Variants in NRG1 observed in about 807,000 individuals in gnomAD.
The protein encoded by NRG1 is neuregulin 1.
A neutral mutation model predicts 63.8 loss-of-function variants in NRG1; 18 were observed. That is an observed-to-expected ratio of 0.28 (90% CI 0.19 to 0.42). The LOEUF (loss-of-function observed/expected upper bound fraction) is 0.42. NRG1 is among the 10% of genes least tolerant of loss of function. The probability of loss-of-function intolerance (pLI) is 1.00; values close to 1 mark genes in which losing one functional copy is unlikely to be tolerated. For synonymous variants in NRG1, 302 were observed against 301.3 expected (o/e 1.00, Z -0.02); for missense variants, 762 against 814.7 (o/e 0.94, Z 0.79).
chr8:32,771,276 ATTTTTTTTTTTTTTTTTT>A (rs553989637), downstream of NRG1, among the ~76,000 whole-genome samples: 32 of 92,754 alleles, frequency 3.4e-4, no homozygotes, highest in Non-Finnish European at 5.9e-4. Flanking sequence ...ATGCCCAGCG[ATTTTTTTTTTTTTTTTTT>A]TTTTTTTTTT....
chr8:31,837,661 G>T (rs1352118103), intron 1 of NRG1, among the ~76,000 whole-genome samples: 1 of 151,888 alleles, frequency 6.6e-6, no homozygotes, highest in Non-Finnish European at 1.5e-5. Context: ...CTAGTCTCTG[G>T]TAACTACTGT....
chr8:32,743,789 A>G (rs1195058427), intron 7 of NRG1, among the ~76,000 whole-genome samples: 1 of 151,900 alleles, frequency 6.6e-6, no homozygotes, highest in Non-Finnish European at 1.5e-5. Context: ...TGCATTTAAA[A>G]TGCATATCAT....
At chr8:31,708,503 T>C (rs1378645739) in intron 1 of NRG1, among the ~76,000 whole-genome samples, 1 of 148,366 alleles carries the variant, frequency 6.7e-6, no homozygotes, top group Non-Finnish European at 1.5e-5. Context: ...TGGAGTGCAG[T>C]GGCGGGATCT....
rs79853821 is a variant in NRG1, at chr8:31,755,941, G to A, written c.37+116510G>A. On this transcript the variant is annotated intron_variant, in intron 1 of 10. Coordinates refer to the NRG1 transcript ENST00000519301. ...TTATGGTGGTTAAGAAGACCAAGAGGGGAAGAAAATCTGTTAGGGCAATGT... is the reference window on the plus strand; with the variant it reads ...TTATGGTGGTTAAGAAGACCAAGAGAGGAAGAAAATCTGTTAGGGCAATGT... 6.6e-5 allele frequency among the ~76,000 whole-genome samples: 10 copies of A among 152,170 alleles called. No individual in the cohort carries two copies. In the East Asian group the frequency reaches 1.7e-3, roughly 27 times the overall value.
intron 1 of NRG1, among the ~76,000 whole-genome samples, chr8:32,203,248 A>G (rs1408021108): frequency 1.3e-5 from 2 of 148,982 alleles, no homozygotes; most frequent in Non-Finnish European, 3.0e-5. Context: ...GTGTGAGACA[A>G]TAAAACTGGC....
At chr8:32,291,462 C>T (rs972515826) in intron 1 of NRG1, among the ~76,000 whole-genome samples, 4 of 150,292 alleles carry the variant, frequency 2.7e-5, no homozygotes, top group Admixed American at 6.6e-5. Context: ...TTAAATGAAA[C>T]GATAAATCAT....
intron 1 of NRG1, among the ~76,000 whole-genome samples, chr8:32,191,374 C>T (rs1842478400): frequency 1.3e-5 from 2 of 152,170 alleles, no homozygotes; most frequent in South Asian, 4.1e-4. Context: ...GCCACCACAC[C>T]TGGCCCAAAG....
intron 1 of NRG1, among the ~76,000 whole-genome samples, chr8:32,427,058 C>A (rs1817475255): frequency 6.6e-6 from 1 of 152,012 alleles, no homozygotes; most frequent in Non-Finnish European, 1.5e-5. Context: ...CTGTAAACAG[C>A]CCGAGTAGCT....
At chr8:32,519,706 G>A (rs954791155) in intron 1 of NRG1, among the ~76,000 whole-genome samples, 3 of 152,036 alleles carry the variant, frequency 2.0e-5, no homozygotes, top group Admixed American at 6.6e-5. Context: ...GATAATACAG[G>A]AGATTCCAGG....
In NRG1 at chr8:32,301,400, G is replaced by A. The variant is rs530712505; in HGVS notation, c.38-294428G>A. On this transcript the variant is annotated intron_variant, in intron 1 of 10. Coordinates refer to the NRG1 transcript ENST00000519301. ...AGGCAATAAAATCACATCAATGGTC[G>A]GTTACAAATGAAGTCATCCAGTTGA... Among the ~76,000 whole-genome samples, 3 of 152,184 alleles carry A rather than the reference G, an allele frequency of 2.0e-5. No homozygotes were observed. In the East Asian group the frequency reaches 5.8e-4, roughly 29 times the overall value.
intron 1 of NRG1, among the ~76,000 whole-genome samples, chr8:32,409,449 T>A (rs1239263395): frequency 2.0e-5 from 3 of 152,164 alleles, no homozygotes; most frequent in Non-Finnish European, 4.4e-5. Flanking sequence ...GCAAAAGATA[T>A]AATCAACAAA....
intron 1 of NRG1, among the ~76,000 whole-genome samples, chr8:31,683,583 G>A (rs746345434): frequency 6.6e-6 from 1 of 152,046 alleles, no homozygotes; most frequent in South Asian, 2.1e-4. Context: ...TCTTCAGGGC[G>A]GTGAAACTAT....
intron 1 of NRG1, among the ~76,000 whole-genome samples, chr8:31,980,988 TC>T (rs1421523883): frequency 6.6e-6 from 1 of 152,028 alleles, no homozygotes; most frequent in African/African-American, 2.4e-5. Context: ...GGAAAATATT[TC>T]TTCTACCTAT....
chr8:31,739,074 AAGATG>A (rs1814993240), intron 1 of NRG1, among the ~76,000 whole-genome samples: 1 of 152,106 alleles, frequency 6.6e-6, no homozygotes, highest in Admixed American at 6.6e-5. Context: ...GTGCACACGT[AAGATG>A]CACCAACATA....
At chr8:32,573,696 C>T (rs1324027361) in intron 1 of NRG1, among the ~76,000 whole-genome samples, 1 of 151,858 alleles carries the variant, frequency 6.6e-6, no homozygotes, top group African/African-American at 2.4e-5. Flanking sequence ...TACATGTGCA[C>T]AATGTGCAGG....
At chr8:32,023,659 C>G (rs1478231666) in intron 1 of NRG1, among the ~76,000 whole-genome samples, 1 of 152,168 alleles carries the variant, frequency 6.6e-6, no homozygotes, top group Non-Finnish European at 1.5e-5. Flanking sequence ...TGCCTTGTCC[C>G]AGACAGACGC....
chr8:32,528,690 C>T (rs1342311157), intron 1 of NRG1, among the ~76,000 whole-genome samples: 1 of 152,014 alleles, frequency 6.6e-6, no homozygotes, highest in Non-Finnish European at 1.5e-5. Context: ...GGGTTTGGTT[C>T]TTGTCATATA....
chr8:32,531,723 T>C (rs2129517962), intron 1 of NRG1, among the ~76,000 whole-genome samples: 1 of 152,278 alleles, frequency 6.6e-6, no homozygotes, highest in Middle Eastern at 3.4e-3. Flanking sequence ...ATTTTGCTAT[T>C]CTCAACTTCA....
Position 32,341,344 on chromosome 8 carries a change from C to A in NRG1, c.38-254484C>A, listed in dbSNP as rs546074765. 2.0e-5 allele frequency among the ~76,000 whole-genome samples: 3 copies of A among 152,326 alleles called. No individual in the cohort carries two copies. In the South Asian group the frequency reaches 6.2e-4, roughly 32 times the overall value. ...AGCAGGCAGATGGAAATCCAACATC[C>A]TTTGGCAGAGAAGAGAGAGGAATTT... On this transcript the variant is annotated intron_variant, in intron 1 of 10. Transcript: ENST00000519301.
Sources: allele counts gnomAD v4.1 joint callset (sites outside exome capture counted in the v4.1 genomes callset), GRCh38; gene constraint gnomAD v4.1.1; transcripts MANE v1.5; gene names NCBI Gene and HGNC (gene_info 2026-07-23, HGNC 2026-07-21).